Variants in LRRFIP1 observed in about 807,000 individuals in gnomAD.
LRRFIP1 encodes the protein LRR binding FLII interacting protein 1.
LRRFIP1 carries 62 observed loss-of-function variants against 104.4 expected under a neutral mutation model. The observed-to-expected ratio is 0.59, with a 90% CI of 0.48 to 0.73. The LOEUF (loss-of-function observed/expected upper bound fraction) is 0.73, where lower values mean the gene tolerates loss of function less well. LRRFIP1 is among the 30% of genes least tolerant of loss of function. The pLI is 0.00. For missense variants in LRRFIP1, 796 were observed against 824.5 expected (o/e 0.97, Z 0.42); for synonymous variants, 300 against 299.0 (o/e 1.00, Z -0.03).
Position 237,672,081 on chromosome 2 carries a change from A to C in LRRFIP1, c.97-36463A>C, listed in dbSNP as rs560613010. On this transcript the variant is annotated intron_variant, in intron 1 of 23. Coordinates refer to ENST00000308482, the MANE Select transcript of LRRFIP1 (RefSeq NM_001137550.2). Reference sequence around the variant, plus strand: ...AGTGTTTCAGTAAATAGTTCTTTTCAGCAGACAATTACTTAGGCAGAAGTA... The same window carrying C: ...AGTGTTTCAGTAAATAGTTCTTTTCCGCAGACAATTACTTAGGCAGAAGTA... Among the ~76,000 whole-genome samples, 12 of 152,128 alleles carry C rather than the reference A, an allele frequency of 7.9e-5. No individual in the cohort carries two copies. The East Asian group carries it at 2.3e-3, about 29-fold the overall frequency.
At chr2:237,692,259 C>T (rs1012474794) in intron 1 of LRRFIP1, 2 of 1,148,504 alleles carry the variant, frequency 1.7e-6, no homozygotes, top group Non-Finnish European at 2.1e-6. Context: ...CCGCCCCTGT[C>T]GGCCGCGCCC....
chr2:237,683,176 G>C (rs2092017121), intron 1 of LRRFIP1, among the ~76,000 whole-genome samples: 1 of 152,228 alleles, frequency 6.6e-6, no homozygotes, highest in South Asian at 2.1e-4. Flanking sequence ...CAGCACATTT[G>C]ATACAGATGC....
In LRRFIP1 at chr2:237,719,577, G is replaced by A. The variant is rs373273314; in HGVS notation, c.294+10G>A. The stretch of plus-strand genomic sequence containing the variant: ...CAGAAGAAACACATCGGTTAGTACC[G>A]TGTTCATTCATTACTTGGGCAATTT... On this transcript the variant is annotated intron_variant, in intron 5 of 23. Transcript: ENST00000308482. 1.2e-3 allele frequency: 1,928 copies of A among 1,606,522 alleles called. No individual in the cohort carries two copies. Among genetic ancestry groups the A allele is most frequent in the Non-Finnish European group, 1.4e-3 (1,666 of 1,174,520 alleles).
intron 23 of LRRFIP1, among the ~76,000 whole-genome samples, chr2:237,776,888 T>C (rs1416299267): frequency 6.6e-6 from 1 of 152,220 alleles, no homozygotes; most frequent in Non-Finnish European, 1.5e-5. Context: ...TCCATTGTTA[T>C]TGGTATATTT....
intron 13 of LRRFIP1, among the ~76,000 whole-genome samples, chr2:237,750,326 CTTTTTTTTTTTTTTT>C (rs928510240): frequency 1.2e-4 from 7 of 60,706 alleles, no homozygotes; most frequent in East Asian, 5.2e-4. Flanking sequence ...TTCTTTCTTT[CTTTTTTTTTTTTTTT>C]TTTTTTTTTT....
At chr2:237,754,216 T>G (rs2150720347) in intron 15 of LRRFIP1, among the ~76,000 whole-genome samples, 2 of 151,996 alleles carry the variant, frequency 1.3e-5, no homozygotes, top group Admixed American at 1.3e-4. Context: ...GTTATGAGTA[T>G]CAAAGATTTT....
At chr2:237,749,440 C>T (rs1235417687) in intron 13 of LRRFIP1, 116 bp downstream of exon 13, 12 of 1,185,110 alleles carry the variant, frequency 1.0e-5, no homozygotes, top group African/African-American at 1.6e-5. Context: ...TTGGTCCTCT[C>T]TCCCTCACCT....
chr2:237,641,595 T>C (rs2083990015), intron 1 of LRRFIP1, among the ~76,000 whole-genome samples: 1 of 152,156 alleles, frequency 6.6e-6, no homozygotes. Context: ...AAAATTTCAA[T>C]CTATTTTTCT....
intron 2 of LRRFIP1, chr2:237,708,907 G>A (rs1575679577): frequency 7.1e-6 from 4 of 567,202 alleles, no homozygotes; most frequent in Non-Finnish European, 1.4e-5. Flanking sequence ...GAGCCAAAAT[G>A]TTCAGGGTCT....
chr2:237,732,811 G>C (rs1265333728), intron 8 of LRRFIP1, among the ~76,000 whole-genome samples: 1 of 152,078 alleles, frequency 6.6e-6, no homozygotes, highest in Non-Finnish European at 1.5e-5. Flanking sequence ...AGGTTTTTGT[G>C]CCTAATCTGC....
chr2:237,745,194 A>G (rs1003089286), intron 11 of LRRFIP1, among the ~76,000 whole-genome samples: 2 of 152,210 alleles, frequency 1.3e-5, no homozygotes, highest in African/African-American at 4.8e-5. Context: ...ACACACTGCC[A>G]TCTGGTGGAC....
At chr2:237,676,178 G>T (rs1380310259) in intron 1 of LRRFIP1, among the ~76,000 whole-genome samples, 2 of 152,110 alleles carry the variant, frequency 1.3e-5, no homozygotes, top group Non-Finnish European at 2.9e-5. Context: ...CCAGCCCTTG[G>T]CAACTCCCAT....
chr2:237,727,990 C>G, intron 8 of LRRFIP1, 55 bp downstream of exon 8: 15 of 1,300,120 alleles, frequency 1.2e-5, no homozygotes, highest in Non-Finnish European at 1.6e-5. Context: ...TTCAAAGCTT[C>G]TAGAACTAAA....
At chr2:237,681,824 C>T (rs1473984368) in intron 1 of LRRFIP1, among the ~76,000 whole-genome samples, 3 of 147,998 alleles carry the variant, frequency 2.0e-5, no homozygotes, top group East Asian at 2.1e-4. Flanking sequence ...GGACTACAGG[C>T]GCCCGCCACT....
rs143605131 is a variant in LRRFIP1, at chr2:237,706,859, C to T, written c.97-1685C>T. ...CCCAGGCTGGTCTCGAACTCTTGACCTCAAGAGATCCTACCTGCCACCGCC... is the reference window on the plus strand; with the variant it reads ...CCCAGGCTGGTCTCGAACTCTTGACTTCAAGAGATCCTACCTGCCACCGCC... On this transcript the variant is annotated intron_variant, in intron 1 of 23. Transcript: ENST00000308482. 5.2e-3 allele frequency among the ~76,000 whole-genome samples: 793 copies of T among 152,260 alleles called. 9 individuals carry two copies. Among genetic ancestry groups the T allele is most frequent in the African/African-American group, 0.018 (754 of 41,540 alleles).
At chr2:237,700,221 A>G (rs1404953021) in intron 1 of LRRFIP1, among the ~76,000 whole-genome samples, 7 of 152,170 alleles carry the variant, frequency 4.6e-5, no homozygotes, top group Non-Finnish European at 1.0e-4. Flanking sequence ...TCCTATAGCA[A>G]AGTGGCTCAG....
intron 6 of LRRFIP1, 34 bp from the exon 7 acceptor site, chr2:237,723,511 CTGT>C (rs765664398): frequency 5.0e-6 from 8 of 1,607,954 alleles, no homozygotes; most frequent in African/African-American, 1.3e-5. Context: ...ACTCTCTTTG[CTGT>C]TGTTTTTTTT....
chr2:237,756,768 C>T (rs2059311748), intron 16 of LRRFIP1, among the ~76,000 whole-genome samples: 1 of 152,124 alleles, frequency 6.6e-6, no homozygotes, highest in Non-Finnish European at 1.5e-5. Context: ...AATGGTCCCC[C>T]GAAGTTGCCT....
In LRRFIP1 at chr2:237,719,113, A is replaced by G. The variant is rs189683695; in HGVS notation, c.250-410A>G. 8.5e-5 allele frequency among the ~76,000 whole-genome samples: 13 copies of G among 152,304 alleles called. No homozygotes were observed. In the East Asian group the frequency reaches 1.4e-3, roughly 16 times the overall value. On this transcript the variant is annotated intron_variant, in intron 4 of 23. Transcript: ENST00000308482. ...GTGTGTGTCTTAGAATCCACAATACATAGTAGAAAGAGTGACATCCTTTTC... is the reference window on the plus strand; with the variant it reads ...GTGTGTGTCTTAGAATCCACAATACGTAGTAGAAAGAGTGACATCCTTTTC...
Sources: gnomAD v4.1 joint callset for allele counts (sites outside exome capture counted in the v4.1 genomes callset) on GRCh38, gnomAD v4.1.1 for gene constraint, MANE v1.5 for transcripts, NCBI Gene and HGNC (gene_info 2026-07-23, HGNC 2026-07-21) for gene names.